MCTP1: variants seen among roughly 807,000 people sequenced by gnomAD.
MCTP1 encodes multiple C2 and transmembrane domain-containing protein 1.
A neutral mutation model predicts 120.6 loss-of-function variants in MCTP1; 69 were observed. The observed-to-expected ratio is 0.57, with a 90% confidence interval of 0.47 to 0.70. The LOEUF is 0.70. Among genes scored for constraint, MCTP1 ranks in the 30% least tolerant of loss-of-function variants. MCTP1 has a pLI of 0.00. For synonymous variants in MCTP1, 529 were observed against 493.1 expected, an observed-to-expected ratio of 1.07 and a Z score of -0.96; for missense variants, 1,203 against 1,248.8, an observed-to-expected ratio of 0.96 and a Z score of 0.55.
chr5:95,133,116 C>A (rs1321589669), intron 1 of MCTP1, among the ~76,000 whole-genome samples: 1 of 152,174 alleles, frequency 6.6e-6, no homozygotes, highest in Non-Finnish European at 1.5e-5. Context: ...TAAATACGTT[C>A]ATTCTTAAGC....
chr5:95,228,961 T>G (rs1375247373), intron 1 of MCTP1, among the ~76,000 whole-genome samples: 1 of 152,234 alleles, frequency 6.6e-6, no homozygotes, highest in Non-Finnish European at 1.5e-5. Flanking sequence ...AAGCCTCTTT[T>G]GTTTATAAAT....
At chr5:95,256,143 T>C (rs569075742) in intron 1 of MCTP1, among the ~76,000 whole-genome samples, 21 of 152,076 alleles carry the variant, frequency 1.4e-4, no homozygotes, top group Non-Finnish European at 2.6e-4. Flanking sequence ...ATTTACTCTT[T>C]GGTATTTCTC....
chr5:94,791,257 C>T (rs1355553497), intron 18 of MCTP1, among the ~76,000 whole-genome samples: 1 of 151,816 alleles, frequency 6.6e-6, no homozygotes, highest in Non-Finnish European at 1.5e-5. Context: ...GAGATCACAC[C>T]ACTGCACTCC....
At chr5:95,274,109 T>C (rs1249448134) in intron 1 of MCTP1, among the ~76,000 whole-genome samples, 1 of 152,184 alleles carries the variant, frequency 6.6e-6, no homozygotes, top group Non-Finnish European at 1.5e-5. Flanking sequence ...TCAGCCCTCA[T>C]ATCTGGCCAC....
intron 1 of MCTP1, among the ~76,000 whole-genome samples, chr5:95,246,895 G>A (rs751243835): frequency 1.3e-5 from 2 of 152,156 alleles, no homozygotes; most frequent in Non-Finnish European, 2.9e-5. Flanking sequence ...TCAGGGTGAT[G>A]ACAGCCTCAT....
At chr5:95,085,347 A>G (rs1031185630) in intron 1 of MCTP1, among the ~76,000 whole-genome samples, 1 of 151,922 alleles carries the variant, frequency 6.6e-6, no homozygotes, top group African/African-American at 2.4e-5. Context: ...CATAAACAAG[A>G]TATTAATTTG....
intron 1 of MCTP1, among the ~76,000 whole-genome samples, chr5:95,222,642 T>A (rs1050514685): frequency 1.3e-5 from 2 of 152,272 alleles, no homozygotes; most frequent in Admixed American, 1.3e-4. Context: ...TCACAAAATG[T>A]AAAACATTTA....
intron 1 of MCTP1, among the ~76,000 whole-genome samples, chr5:95,279,146 G>A (rs1245633374): frequency 6.6e-6 from 1 of 152,010 alleles, no homozygotes; most frequent in African/African-American, 2.4e-5. Flanking sequence ...ATTGGTAAAT[G>A]ATTTAATAAG....
intron 16 of MCTP1, among the ~76,000 whole-genome samples, chr5:94,868,728 A>AT (rs558422745): frequency 1.3e-5 from 2 of 151,500 alleles, no homozygotes; most frequent in Non-Finnish European, 3.0e-5. Context: ...ACAGACTAAA[A>AT]TTTTTTTTTG....
At chr5:95,200,983 T>TA (rs1482768716) in intron 1 of MCTP1, among the ~76,000 whole-genome samples, 2 of 152,240 alleles carry the variant, frequency 1.3e-5, no homozygotes, top group African/African-American at 2.4e-5. Flanking sequence ...TTTGTCAGCA[T>TA]AACATAATGT....
chr5:95,163,292 A>C (rs536367365), intron 1 of MCTP1, among the ~76,000 whole-genome samples: 1 of 152,320 alleles, frequency 6.6e-6, no homozygotes, highest in Admixed American at 6.5e-5. Flanking sequence ...AAGGTGACAG[A>C]TATATACTGT....
intron 1 of MCTP1, among the ~76,000 whole-genome samples, chr5:95,225,227 C>T (rs1470382058): frequency 2.6e-5 from 4 of 152,200 alleles, no homozygotes; most frequent in Non-Finnish European, 4.4e-5. Flanking sequence ...TAATACCTGA[C>T]AGCCCACTTA....
At chr5:95,221,554 A>G (rs1238869929) in intron 1 of MCTP1, among the ~76,000 whole-genome samples, 1 of 152,236 alleles carries the variant, frequency 6.6e-6, no homozygotes, top group African/African-American at 2.4e-5. Context: ...TGGTAGTGAC[A>G]GAATAAAGCA....
Position 95,203,521 on chromosome 5 carries a change from G to T in MCTP1, c.720+80335C>A, listed in dbSNP as rs370359787. Among the ~76,000 whole-genome samples, 11 of 152,248 alleles carry T rather than the reference G, an allele frequency of 7.2e-5. No individual in the cohort carries two copies. The East Asian group carries it at 1.9e-3, about 27-fold the overall frequency. On this transcript the variant is annotated intron_variant, in intron 1 of 22. Coordinates refer to ENST00000515393, the MANE Select transcript of MCTP1 (RefSeq NM_024717.7). ...AAGTCCGTATCTACTGTTTCATGTTGTATTATTTTAACTTCTCTAATAAAT... is the reference window on the plus strand; with the variant it reads ...AAGTCCGTATCTACTGTTTCATGTTTTATTATTTTAACTTCTCTAATAAAT...
At chr5:94,882,057 T>C (rs543257544) in intron 12 of MCTP1, among the ~76,000 whole-genome samples, 2 of 152,332 alleles carry the variant, frequency 1.3e-5, no homozygotes, top group South Asian at 4.1e-4. Flanking sequence ...TTCTTTATTC[T>C]CTATGGTTAA....
At chr5:95,014,486 T>C (rs139536781) in intron 2 of MCTP1, among the ~76,000 whole-genome samples, 186 of 152,214 alleles carry the variant, frequency 1.2e-3, no homozygotes, top group African/African-American at 4.3e-3. Flanking sequence ...AATCTCATGA[T>C]AAAATGTGAA....
At chr5:95,040,530 G>A (rs923386497) in intron 1 of MCTP1, among the ~76,000 whole-genome samples, 9 of 152,036 alleles carry the variant, frequency 5.9e-5, no homozygotes, top group East Asian at 1.9e-4. Flanking sequence ...ATTAACTTCC[G>A]GATAACTGCC....
chr5:94,891,399 C>A (rs1802573522), intron 11 of MCTP1, among the ~76,000 whole-genome samples: 1 of 152,162 alleles, frequency 6.6e-6, no homozygotes, highest in Non-Finnish European at 1.5e-5. Flanking sequence ...TTTCTTATCT[C>A]AGAGCTTACA....
At chr5:94,761,682 C>T (rs1053594410) in intron 19 of MCTP1, among the ~76,000 whole-genome samples, 3 of 152,150 alleles carry the variant, frequency 2.0e-5, no homozygotes, top group Non-Finnish European at 4.4e-5. Context: ...ATTTTATTTT[C>T]TACAGATGGC....
Sources: allele counts gnomAD v4.1 joint callset (sites outside exome capture counted in the v4.1 genomes callset), GRCh38; gene constraint gnomAD v4.1.1; transcripts MANE v1.5; gene names NCBI Gene and HGNC (gene_info 2026-07-23, HGNC 2026-07-21).